Variants in TTYH3 observed in about 807,000 individuals in gnomAD.
The protein encoded by TTYH3 is tweety family member 3.
A neutral mutation model predicts 68.2 loss-of-function variants in TTYH3; 23 were observed. The ratio of observed to expected loss-of-function variants is 0.34; its 90% CI spans 0.24 to 0.48. TTYH3 has a LOEUF of 0.48. TTYH3 is among the 20% of genes least tolerant of loss of function. The pLI is 0.99. For synonymous variants in TTYH3, 360 were observed against 332.8 expected (o/e 1.08, Z -0.89); for missense variants, 768 against 727.7 (o/e 1.06, Z -0.64).
chr7:2,664,318 C>T lies in TTYH3; in HGVS notation c.*2579C>T, dbSNP rs939987955. 6.5e-6 allele frequency: 1 copy of T among 152,682 alleles called. No homozygotes were observed. The highest frequency in any genetic ancestry group is 6.5e-5 in the Admixed American group (1 of 15,290). 9.5% of individuals were successfully genotyped at this position (152,682 alleles called of 1,614,324 possible). On this transcript the variant is annotated 3_prime_UTR_variant, in exon 14 of 14. Transcript: ENST00000258796. Reference sequence around the variant, plus strand: ...ATTTGCTCCTGCCCTGGGGCCAGCTCTGCCCCAGCCCTGAGAGGGGTGGTG... The same window carrying T: ...ATTTGCTCCTGCCCTGGGGCCAGCTTTGCCCCAGCCCTGAGAGGGGTGGTG...
chr7:2,647,980 G>A lies in TTYH3; in HGVS notation c.648G>A (p.Leu216=). The change falls in exon 5 of 14, where the codon CTG becomes CTA. Residue 216 remains leucine (L), a synonymous_variant. Coordinates refer to ENST00000258796, the MANE Select transcript of TTYH3 (RefSeq NM_025250.3). ...GCAGGTGGCTGGGCTACCTGGGCCTGCTGCTGCTGGACGTCATCATCTGCC... is the reference window on the plus strand; with the variant it reads ...GCAGGTGGCTGGGCTACCTGGGCCTACTGCTGCTGGACGTCATCATCTGCC... The part of the protein sequence containing the change: ...DWYRWLGYLG[L]LLLDVIICLL... 6.2e-7 allele frequency: 1 copy of A among 1,609,432 alleles called. No individual in the cohort carries two copies. Among genetic ancestry groups the A allele is most frequent in the South Asian group, 1.1e-5 (1 of 91,074 alleles).
In TTYH3 at chr7:2,662,500, G is replaced by C. The variant is rs2115002576; in HGVS notation, c.*761G>C. The stretch of plus-strand genomic sequence containing the variant: ...GTGCCAAACCCCCTTCCCCCACCCA[G>C]AGACTGGGCAGCTGTGTCTGGTTCG... On this transcript the variant is annotated 3_prime_UTR_variant, in exon 14 of 14. Transcript: ENST00000258796. 6.5e-6 allele frequency: 1 copy of C among 153,904 alleles called. No homozygotes were observed. Among genetic ancestry groups the C allele is most frequent in the South Asian group, 2.0e-4 (1 of 4,880 alleles). The allele number at this position is 153,904 out of a possible 1,614,324, so 9.5% of individuals were successfully genotyped here. A position where few individuals can be genotyped will look rare whatever the true frequency, so the allele number is the denominator to read the frequency against.
Position 2,647,959 on chromosome 7 carries a change from G to A in TTYH3, c.627G>A (p.Arg209=), listed in dbSNP as rs764816238. 5 of 1,607,518 alleles carry A rather than the reference G, an allele frequency of 3.1e-6. No homozygotes were observed. Among genetic ancestry groups the A allele is most frequent in the Non-Finnish European group, 2.5e-6 (3 of 1,179,850 alleles). ...GGCGCACTCCCAGGTTTGCCTGCAG[G>A]TGGCTGGGCTACCTGGGCCTGCTGC... The part of the protein sequence containing the change: ...AEQVDLYDWY[R]WLGYLGLLLL... The change falls in exon 5 of 14, where the codon AGG becomes AGA. Residue 209 remains arginine, a splice_region_variant and synonymous_variant. Coordinates refer to ENST00000258796, the MANE Select transcript of TTYH3 (RefSeq NM_025250.3).
At chr7:2,632,580 C>G (rs550349982) in intron 1 of TTYH3, among the ~76,000 whole-genome samples, 112 of 152,332 alleles carry the variant, frequency 7.4e-4, no homozygotes, top group African/African-American at 2.6e-3. Flanking sequence ...TCACTAAGGC[C>G]CCTGGGTTTC....
intron 1 of TTYH3, among the ~76,000 whole-genome samples, chr7:2,639,010 C>T (rs760543397): frequency 6.6e-6 from 1 of 152,158 alleles, no homozygotes; most frequent in South Asian, 2.1e-4. Flanking sequence ...TTTCCTGACC[C>T]TGGCCCAGGA....
chr7:2,632,331 C>A, intron 1 of TTYH3, 53 bp downstream of exon 1: 1 of 1,485,554 alleles, frequency 6.7e-7, no homozygotes, highest in Non-Finnish European at 9.0e-7. Flanking sequence ...TCACGGCCCC[C>A]TCCTCTCCCA....
rs1198198982 is a variant in TTYH3, at chr7:2,645,720, C to T, written c.124-1133C>T. The T allele has an allele frequency of 2.6e-5, 12 of 464,358 alleles. No individual in the cohort carries two copies. The highest frequency in any genetic ancestry group is 1.9e-4 in the South Asian group (12 of 63,680). The allele number at this position is 464,358 out of a possible 1,614,324, so 28.8% of individuals were successfully genotyped here. A position where few individuals can be genotyped will look rare whatever the true frequency, so the allele number is the denominator to read the frequency against. ...TGAGTGCAGCTTCTCGGTGCACAGA[C>T]CCCAGACAGGATCAGACTCCTGATG... On this transcript the variant is annotated intron_variant, in intron 1 of 13. Transcript: ENST00000258796. The surrounding 1 kb of genome is among the most constrained non-coding windows in gnomAD (Gnocchi z 4.8).
chr7:2,647,944 C>A lies in TTYH3; in HGVS notation c.627-15C>A. ...GGGTCCCTGTGCCCTGGCGCACTCC[C>A]AGGTTTGCCTGCAGGTGGCTGGGCT... is the stretch of plus-strand genomic sequence containing the variant. On this transcript the variant is annotated splice_polypyrimidine_tract_variant and intron_variant, in intron 4 of 13. Transcript: ENST00000258796. The A allele has an allele frequency of 6.2e-7, 1 of 1,605,366 alleles. No individual in the cohort carries two copies. Among genetic ancestry groups the A allele is most frequent in the Non-Finnish European group, 8.5e-7 (1 of 1,179,788 alleles).
chr7:2,635,126 A>G (rs1254489573), intron 1 of TTYH3, among the ~76,000 whole-genome samples: 1 of 152,202 alleles, frequency 6.6e-6, no homozygotes, highest in African/African-American at 2.4e-5. Context: ...GGAGGCCCAC[A>G]GGAGGCCTGA....
At chr7:2,652,084 C>T in intron 7 of TTYH3, 103 bp from the exon 8 acceptor site, 1 of 948,710 alleles carries the variant, frequency 1.1e-6, no homozygotes. Context: ...TGTAAACATG[C>T]ACGCAGATGC....
intron 1 of TTYH3, among the ~76,000 whole-genome samples, chr7:2,641,129 C>T (rs1453909449): frequency 6.6e-6 from 1 of 152,192 alleles, no homozygotes; most frequent in Non-Finnish European, 1.5e-5. Context: ...CGCTCCTCAC[C>T]AGCCAGTGCC....
chr7:2,661,532 T>C (rs1275668519), intron 13 of TTYH3, 136 bp from the exon 14 acceptor site: 3 of 869,904 alleles, frequency 3.4e-6, no homozygotes, highest in Non-Finnish European at 5.4e-6. Context: ...CTATAGGCTC[T>C]GTCAGGGCAC....
At chr7:2,641,079 G>A (rs555223731) in intron 1 of TTYH3, among the ~76,000 whole-genome samples, 67 of 152,244 alleles carry the variant, frequency 4.4e-4, no homozygotes, top group African/African-American at 1.4e-3. Flanking sequence ...TGGGTGTAGA[G>A]GCCACAGAGC....
At chr7:2,653,190 C>T (rs546284834) in intron 9 of TTYH3, among the ~76,000 whole-genome samples, 180 bp downstream of exon 9, 9 of 152,194 alleles carry the variant, frequency 5.9e-5, no homozygotes, top group Non-Finnish European at 8.8e-5. Context: ...CAGCCCTTTC[C>T]GCGTTAGGCC....
Position 2,661,785 on chromosome 7 carries a change from C to T in TTYH3, c.*46C>T, listed in dbSNP as rs555045602. 69 of 1,572,072 alleles carry T rather than the reference C, an allele frequency of 4.4e-5. No homozygotes were observed. Among genetic ancestry groups the T allele is most frequent in the Admixed American group, 1.6e-4 (9 of 56,564 alleles). ...ACCCCACGTGCCAACTTCCCCTCCC[C>T]GTGCCAGCACTGCCGCTTCCACCTG... On this transcript the variant is annotated 3_prime_UTR_variant, in exon 14 of 14. Coordinates refer to ENST00000258796, the MANE Select transcript of TTYH3 (RefSeq NM_025250.3).
rs367987100 is a variant in TTYH3, at chr7:2,662,105, C to T, written c.*366C>T. 1.2e-4 allele frequency: 54 copies of T among 452,542 alleles called. 1 individual carries two copies. Among genetic ancestry groups the T allele is most frequent in the African/African-American group, 3.2e-4 (16 of 49,446 alleles). 28.0% of individuals were successfully genotyped at this position (452,542 alleles called of 1,614,324 possible). ...TTCCCTCCACAGCTCTCCTTCCTCC[C>T]GCCCGGCACTTCTGTGGACCCCTTC... On this transcript the variant is annotated 3_prime_UTR_variant, in exon 14 of 14. Coordinates refer to ENST00000258796, the MANE Select transcript of TTYH3 (RefSeq NM_025250.3).
In TTYH3 at chr7:2,632,068, G is replaced by A; in HGVS notation, c.-88G>A. 1 of 1,169,662 alleles carries A rather than the reference G, an allele frequency of 8.5e-7. No individual in the cohort carries two copies. Among genetic ancestry groups the A allele is most frequent in the East Asian group, 3.5e-5 (1 of 28,918 alleles). 72.5% of individuals were successfully genotyped at this position (1,169,662 alleles called of 1,614,324 possible). On this transcript the variant is annotated 5_prime_UTR_variant, in exon 1 of 14. Transcript: ENST00000258796. Reference sequence around the variant, plus strand: ...GCGGATGATGCGGGCGGCCAGGCGGGGGTCGACGGGTCCCTGAAGCCCGCG... The same window carrying A: ...GCGGATGATGCGGGCGGCCAGGCGGAGGTCGACGGGTCCCTGAAGCCCGCG...
intron 1 of TTYH3, among the ~76,000 whole-genome samples, chr7:2,640,853 T>TG (rs1390891199): frequency 1.3e-5 from 2 of 152,214 alleles, no homozygotes; most frequent in African/African-American, 4.8e-5. Flanking sequence ...AGGGCTGGGT[T>TG]GGGGCCACCC....
At chr7:2,660,978 G>T (rs1286220056) in intron 13 of TTYH3, among the ~76,000 whole-genome samples, 1 of 152,204 alleles carries the variant, frequency 6.6e-6, no homozygotes, top group African/African-American at 2.4e-5. Flanking sequence ...ACGAGGTGCA[G>T]GCCAGCTGCA....
Sources: allele counts gnomAD v4.1 joint callset (sites outside exome capture counted in the v4.1 genomes callset), GRCh38; gene constraint gnomAD v4.1.1; non-coding constraint Gnocchi (gnomAD v3.1); transcripts MANE v1.5; gene names NCBI Gene and HGNC (gene_info 2026-07-23, HGNC 2026-07-21).